Variants in ANO10 observed in about 807,000 individuals in gnomAD.
ANO10 encodes the protein anoctamin 10, also known as anoctamin-10.
Under a neutral mutation model 74.7 loss-of-function variants are expected in ANO10, and 77 were observed. The ratio of observed to expected loss-of-function variants is 1.03; its 90% confidence interval spans 0.86 to 1.25. ANO10 has a LOEUF of 1.25. ANO10 is among the 50% of genes most tolerant of loss of function. The pLI is 0.00. For synonymous variants in ANO10, 279 were observed against 284.9 expected (o/e 0.98, Z 0.21); for missense variants, 721 against 778.1 (o/e 0.93, Z 0.87).
chr3:43,672,418 C>A (rs2084070706), intron 1 of ANO10, among the ~76,000 whole-genome samples: 1 of 152,106 alleles, frequency 6.6e-6, no homozygotes, highest in Non-Finnish European at 1.5e-5. Flanking sequence ...GCTCTCCCAG[C>A]TAGTTGGGAC....
intron 11 of ANO10, among the ~76,000 whole-genome samples, chr3:43,440,707 T>C (rs958572865): frequency 2.0e-5 from 3 of 152,052 alleles, no homozygotes; most frequent in African/African-American, 7.2e-5. Context: ...TTTAACTTAA[T>C]AGATATATAC....
At chr3:43,677,969 G>T (rs1197165232) in intron 1 of ANO10, among the ~76,000 whole-genome samples, 1 of 152,206 alleles carries the variant, frequency 6.6e-6, no homozygotes, top group African/African-American at 2.4e-5. Context: ...AACATGAGGG[G>T]CCCTGAGGGG....
chr3:43,555,268 A>C lies in ANO10; in HGVS notation c.1668+10T>G, dbSNP rs573167523. 6.2e-7 allele frequency: 1 copy of C among 1,613,530 alleles called. No homozygotes were observed. The highest frequency in any genetic ancestry group is 1.1e-5 in the South Asian group (1 of 91,034). On this transcript the variant is annotated intron_variant, in intron 10 of 12. Transcript: ENST00000292246. The stretch of plus-strand genomic sequence containing the variant: ...TTTTTAAAGGAATAATTTTTTTCTC[A>C]AACAATTACCTGCCACACACCAATA...
chr3:43,484,570 T>A (rs1203020293), intron 11 of ANO10, among the ~76,000 whole-genome samples: 1 of 152,228 alleles, frequency 6.6e-6, no homozygotes, highest in East Asian at 1.9e-4. Flanking sequence ...CATGTGATGC[T>A]ACACCAGAAT....
At chr3:43,623,492 T>C (rs1265205840), upstream of ANO10, among the ~76,000 whole-genome samples, 1 of 152,196 alleles carries the variant, frequency 6.6e-6, no homozygotes, top group Non-Finnish European at 1.5e-5. Flanking sequence ...GCCCCAATGT[T>C]TAGAACAGTG....
At chr3:43,368,208 C>CAGGTCTA in intron 12 of ANO10, among the ~76,000 whole-genome samples, 1 of 152,138 alleles carries the variant, frequency 6.6e-6, no homozygotes, top group South Asian at 2.1e-4. Flanking sequence ...CTTTCTTATC[C>CAGGTCTA]AGGTCTAAGC....
chr3:43,638,353 G>T (rs1271060063), intron 1 of ANO10, among the ~76,000 whole-genome samples: 2 of 152,072 alleles, frequency 1.3e-5, no homozygotes, highest in Non-Finnish European at 2.9e-5. Context: ...TTTTTATGGT[G>T]TTAATAAAAA....
intron 12 of ANO10, among the ~76,000 whole-genome samples, chr3:43,412,520 T>C (rs762392548): frequency 2.0e-5 from 3 of 152,224 alleles, no homozygotes; most frequent in Non-Finnish European, 4.4e-5. Context: ...CCTGCAAAGC[T>C]GTTCCCATTC....
At chr3:43,666,865 T>C (rs2083998242) in intron 1 of ANO10, among the ~76,000 whole-genome samples, 2 of 152,112 alleles carry the variant, frequency 1.3e-5, no homozygotes, top group Non-Finnish European at 2.9e-5. Context: ...CATCACATTG[T>C]ACACCTTAAA....
chr3:43,558,583 T>C (rs1236565644), intron 9 of ANO10, among the ~76,000 whole-genome samples: 2 of 152,236 alleles, frequency 1.3e-5, no homozygotes, highest in Admixed American at 6.5e-5. Flanking sequence ...TTTATAGTAA[T>C]GTTTTTAAAG....
At chr3:43,374,327 T>C (rs1045862087) in intron 12 of ANO10, among the ~76,000 whole-genome samples, 2 of 152,236 alleles carry the variant, frequency 1.3e-5, no homozygotes, top group Admixed American at 6.5e-5. Flanking sequence ...TTACATCACA[T>C]TGCACGCCAG....
At chr3:43,506,131 C>G (rs1575290296) in intron 11 of ANO10, among the ~76,000 whole-genome samples, 1 of 152,104 alleles carries the variant, frequency 6.6e-6, no homozygotes. Context: ...ATATAATGCT[C>G]TTACAGTATT....
chr3:43,426,353 T>C (rs951431794), intron 12 of ANO10, among the ~76,000 whole-genome samples: 1 of 152,216 alleles, frequency 6.6e-6, no homozygotes, highest in African/African-American at 2.4e-5. Flanking sequence ...TTAATTTAAA[T>C]ACACTTAACT....
At chr3:43,645,255 C>G (rs1476642075) in intron 1 of ANO10, among the ~76,000 whole-genome samples, 2 of 152,136 alleles carry the variant, frequency 1.3e-5, no homozygotes, top group African/African-American at 2.4e-5. Flanking sequence ...CTTTGGGAGG[C>G]TGAGGTGGGC....
At chr3:43,679,684 A>G (rs1343727008) in intron 1 of ANO10, among the ~76,000 whole-genome samples, 1 of 152,228 alleles carries the variant, frequency 6.6e-6, no homozygotes, top group East Asian at 1.9e-4. Context: ...ACTGGGAGGC[A>G]TCCCCCAGTA....
intron 12 of ANO10, among the ~76,000 whole-genome samples, chr3:43,379,275 A>T (rs1311828156): frequency 6.6e-6 from 1 of 152,262 alleles, no homozygotes; most frequent in Non-Finnish European, 1.5e-5. Flanking sequence ...GGGTACTGTT[A>T]GTAATTAATT....
chr3:43,409,535 CT>C (rs199689796), intron 12 of ANO10, among the ~76,000 whole-genome samples: 1,729 of 152,084 alleles, frequency 0.011, 29 homozygotes, highest in African/African-American at 0.039. Flanking sequence ...CAGAACGACC[CT>C]GTTTCAATAA....
chr3:43,407,050 T>C (rs1324851942), intron 12 of ANO10, among the ~76,000 whole-genome samples: 2 of 152,006 alleles, frequency 1.3e-5, no homozygotes, highest in African/African-American at 4.8e-5. Flanking sequence ...ACTACAGGCA[T>C]GTGCCACCAC....
intron 10 of ANO10, among the ~76,000 whole-genome samples, chr3:43,552,514 A>AG (rs1044171482): frequency 1.3e-5 from 2 of 151,860 alleles, no homozygotes; most frequent in Admixed American, 1.3e-4. Context: ...GTTTACTAAT[A>AG]TTTTTGGTTA....
Sources: allele counts gnomAD v4.1 joint callset (sites outside exome capture counted in the v4.1 genomes callset), GRCh38; gene constraint gnomAD v4.1.1; transcripts MANE v1.5; gene names NCBI Gene and HGNC (gene_info 2026-07-23, HGNC 2026-07-21).